The following CFAP47 variants were observed in gnomAD, a reference collection of about 807,000 sequenced individuals.
The protein encoded by CFAP47 is cilia and flagella associated protein 47.
In CFAP47, 29 loss-of-function variants were observed where a neutral mutation model predicts 148.1. The ratio of observed to expected loss-of-function variants is 0.20; its 90% CI spans 0.15 to 0.27. The LOEUF is 0.27. Among genes scored for constraint, CFAP47 ranks in the 10% least tolerant of loss-of-function variants. CFAP47 has a pLI of 1.00. For synonymous variants in CFAP47, 664 were observed against 577.3 expected (o/e 1.15, Z -2.15); for missense variants, 1,872 against 1,697.5 (o/e 1.10, Z -1.81).
chrX:36,099,351 G>A (rs749694943), intron 31 of CFAP47, among the ~76,000 whole-genome samples: 3 of 109,682 alleles, frequency 2.7e-5, no homozygotes, highest in Non-Finnish European at 5.7e-5. Flanking sequence ...CAGGCTTTGA[G>A]GCAACTATGG....
Position 36,299,069 on chromosome X carries a change from T to A in CFAP47, c.7779T>A (p.Asp2593Glu), listed in dbSNP as rs1291456257. 1.8e-6 allele frequency: 2 copies of A among 1,140,557 alleles called. No individual in the cohort carries two copies. The highest frequency in any genetic ancestry group is 3.6e-5 in the African/African-American group (2 of 55,810). 94.0% of individuals were successfully genotyped at this position (1,140,557 alleles called of 1,213,427 possible). A position where few individuals can be genotyped will look rare whatever the true frequency, so the allele number is the denominator to read the frequency against. The change falls in exon 52 of 64, where the codon GAT (aspartate) becomes GAA (glutamate). Residue 2593 changes from aspartate to glutamate, a missense_variant. Asp to Glu is a conservative substitution (Grantham distance 45). Coordinates refer to ENST00000378653, the MANE Select transcript of CFAP47 (RefSeq NM_001304548.2). ...VQLTSAALNGDNEIILSPLQC... is the reference protein window; with the variant it reads ...VQLTSAALNGENEIILSPLQC... ...TAACGAGTGCTGCCCTTAATGGGGATAATGAAATTATCCTGAGTCCACTAC... is the reference window on the plus strand; with the variant it reads ...TAACGAGTGCTGCCCTTAATGGGGAAAATGAAATTATCCTGAGTCCACTAC...
intron 9 of CFAP47, 132 bp downstream of exon 9, chrX:35,966,886 C>T (rs1489548312): frequency 4.3e-5 from 15 of 352,361 alleles, no homozygotes; most frequent in Non-Finnish European, 6.2e-5. Context: ...TCCCAACGAC[C>T]GAGCTGCAAC....
At chrX:36,231,905 T>C (rs1400036315) in intron 46 of CFAP47, among the ~76,000 whole-genome samples, 1 of 111,856 alleles carries the variant, frequency 8.9e-6, no homozygotes, top group African/African-American at 3.3e-5. Flanking sequence ...GCTTATATGC[T>C]GGATTACATT....
chrX:36,212,608 C>T (rs1308279827), intron 45 of CFAP47, among the ~76,000 whole-genome samples: 1 of 110,939 alleles, frequency 9.0e-6, no homozygotes, highest in African/African-American at 3.3e-5. Context: ...ATAAGTTTTA[C>T]ACTTTTTTTA....
At chrX:36,313,215 T>C (rs1444727966) in intron 56 of CFAP47, among the ~76,000 whole-genome samples, 4 of 111,489 alleles carry the variant, frequency 3.6e-5, no homozygotes, top group African/African-American at 1.3e-4. Flanking sequence ...AAGAAATACC[T>C]GAGAATTGGT....
chrX:36,289,124 C>G (rs1298224067), intron 51 of CFAP47, among the ~76,000 whole-genome samples: 1 of 106,931 alleles, frequency 9.4e-6, no homozygotes. Flanking sequence ...CCTCGGCCTC[C>G]TGAGTAGCTG....
chrX:36,275,361 A>G (rs914340681), intron 49 of CFAP47, among the ~76,000 whole-genome samples: 1 of 109,720 alleles, frequency 9.1e-6, no homozygotes, highest in Non-Finnish European at 1.9e-5. Flanking sequence ...GGCATGAACC[A>G]CCACAACTGA....
chrX:36,146,591 T>C (rs142032561), intron 36 of CFAP47, among the ~76,000 whole-genome samples: 321 of 110,608 alleles, frequency 2.9e-3, no homozygotes, highest in African/African-American at 0.01. Context: ...ATTTTAACTT[T>C]TATTTAAGAA....
At chrX:36,182,157 G>A (rs1236352900) in intron 40 of CFAP47, among the ~76,000 whole-genome samples, 1 of 112,103 alleles carries the variant, frequency 8.9e-6, no homozygotes, top group African/African-American at 3.2e-5. Flanking sequence ...CTTAGGCAAT[G>A]GAAAGGAAGA....
chrX:36,120,656 T>C (rs1195442613), intron 33 of CFAP47, among the ~76,000 whole-genome samples: 1 of 112,115 alleles, frequency 8.9e-6, no homozygotes, highest in East Asian at 2.8e-4. Context: ...AATTTCTATG[T>C]ATTTGTATAG....
intron 2 of CFAP47, among the ~76,000 whole-genome samples, chrX:35,937,616 C>T (rs754557693): frequency 3.6e-5 from 4 of 110,725 alleles, no homozygotes; most frequent in Non-Finnish European, 7.6e-5. Context: ...TTGTTTCTCT[C>T]CATTAGATTG....
chrX:36,272,950 G>C (rs1556002098), intron 49 of CFAP47, among the ~76,000 whole-genome samples: 1 of 110,822 alleles, frequency 9.0e-6, no homozygotes. Context: ...ATATGCCAGG[G>C]AAATATATAT....
chrX:35,923,280 T>C (rs1160731975), intron 1 of CFAP47, among the ~76,000 whole-genome samples: 1 of 111,591 alleles, frequency 9.0e-6, no homozygotes, highest in Non-Finnish European at 1.9e-5. Flanking sequence ...ATCTATATAC[T>C]GAGAGCCTTA....
chrX:36,217,879 AT>A (rs1940174198), intron 45 of CFAP47, among the ~76,000 whole-genome samples: 2 of 111,986 alleles, frequency 1.8e-5, no homozygotes, highest in African/African-American at 6.5e-5. Context: ...CTTTATATTT[AT>A]AGACAGAGCT....
intron 51 of CFAP47, among the ~76,000 whole-genome samples, chrX:36,288,509 A>G (rs1941156799): frequency 8.9e-6 from 1 of 112,190 alleles, no homozygotes; most frequent in Non-Finnish European, 1.9e-5. Flanking sequence ...TCTTTATATA[A>G]TTTACATTTT....
At chrX:36,011,569 A>C (rs1373164865) in intron 21 of CFAP47, among the ~76,000 whole-genome samples, 1 of 111,989 alleles carries the variant, frequency 8.9e-6, no homozygotes, top group Non-Finnish European at 1.9e-5. Context: ...TAACAATTTC[A>C]CTGCTTTTCT....
intron 39 of CFAP47, among the ~76,000 whole-genome samples, chrX:36,169,010 TA>T (rs1243009685): frequency 9.8e-5 from 11 of 111,848 alleles, no homozygotes; most frequent in Non-Finnish European, 1.9e-4. Flanking sequence ...TCTCTTTTTT[TA>T]AAAATTTTTT....
At position 36,104,574 on chromosome X, in the gene CFAP47, G is replaced by C. The variant is rs2146796733; in HGVS notation, c.5203G>C (p.Val1735Leu). ...PPICVQNTPK[V>L]NPCFASSNIY... is the part of the protein sequence containing the mutation. ...CATATGTGTGCAAAATACACCAAAA[G>C]TCAATCCTTGTTTTGCATCCAGCAA... The change falls in exon 33 of 64, where the codon GTC (valine) becomes CTC (leucine). Residue 1735 changes from valine (V) to leucine (L), a missense_variant. Transcript: ENST00000378653. The C allele has an allele frequency of 1.0e-6, 1 of 988,551 alleles. No homozygotes were observed. The highest frequency in any genetic ancestry group is 1.4e-6 in the Non-Finnish European group (1 of 701,348). 81.5% of individuals were successfully genotyped at this position (988,551 alleles called of 1,213,427 possible). A position where few individuals can be genotyped will look rare whatever the true frequency, so the allele number is the denominator to read the frequency against.
intron 59 of CFAP47, among the ~76,000 whole-genome samples, chrX:36,352,974 AT>A (rs1363331538): frequency 1.9e-4 from 20 of 105,306 alleles, no homozygotes; most frequent in African/African-American, 6.7e-4. Context: ...ATCAAAAATA[AT>A]TTTAAATATT....
Sources: gnomAD v4.1 joint callset for allele counts (sites outside exome capture counted in the v4.1 genomes callset) on GRCh38, gnomAD v4.1.1 for gene constraint, MANE v1.5 for transcripts, NCBI Gene and HGNC (gene_info 2026-07-23, HGNC 2026-07-21) for gene names.